The following OPCML variants were observed in gnomAD, a reference collection of about 807,000 sequenced individuals.
OPCML encodes the protein opioid binding protein/cell adhesion molecule like.
In OPCML, 13 loss-of-function variants were observed where a neutral mutation model predicts 37.8. The ratio of observed to expected loss-of-function variants is 0.34; its 90% CI spans 0.22 to 0.55. The LOEUF (loss-of-function observed/expected upper bound fraction) is 0.55, where lower values mean the gene tolerates loss of function less well. Among genes scored for constraint, OPCML ranks in the 20% least tolerant of loss-of-function variants. The probability of loss-of-function intolerance (pLI) is 0.91; values close to 1 mark genes in which losing one functional copy is unlikely to be tolerated. For missense variants in OPCML, 341 were observed against 435.6 expected, an observed-to-expected ratio of 0.78 and a Z score of 1.93; for synonymous variants, 176 against 168.8, an observed-to-expected ratio of 1.04 and a Z score of -0.33.
At position 132,755,345 on chromosome 11, in the gene OPCML, T is replaced by A. The variant is rs192311526; in HGVS notation, c.147-98026A>T. 1.7e-3 allele frequency among the ~76,000 whole-genome samples: 262 copies of A among 152,340 alleles called. 2 individuals are homozygous for A. Among genetic ancestry groups the A allele is most frequent in the Middle Eastern group, 0.017 (5 of 294 alleles). On this transcript the variant is annotated intron_variant, in intron 2 of 7. Transcript: ENST00000524381. ...CTACAGAAACACAATATGGTCCTCA[T>A]GCTTAATATAATCAACAAACATTCC...
chr11:132,844,689 C>T (rs1941444241), intron 2 of OPCML, among the ~76,000 whole-genome samples: 1 of 152,090 alleles, frequency 6.6e-6, no homozygotes, highest in Non-Finnish European at 1.5e-5. Context: ...TCTCTGTCAT[C>T]ACTATTGAAC....
chr11:132,679,280 A>G (rs138751132), intron 2 of OPCML, among the ~76,000 whole-genome samples: 2 of 152,308 alleles, frequency 1.3e-5, no homozygotes, highest in African/African-American at 2.4e-5. Flanking sequence ...ACGTCCACAC[A>G]AAAACGTATA....
chr11:133,159,360 G>A (rs1033992595), intron 1 of OPCML, among the ~76,000 whole-genome samples: 13 of 152,092 alleles, frequency 8.5e-5, no homozygotes, highest in African/African-American at 3.1e-4. Flanking sequence ...GACAACAAGT[G>A]GCCCTAAATG....
Position 133,245,600 on chromosome 11 carries a change from C to A in OPCML, c.61+286664G>T, listed in dbSNP as rs749508312. 8.2e-4 allele frequency among the ~76,000 whole-genome samples: 125 copies of A among 152,170 alleles called. 3 individuals carry two copies. The highest frequency in any genetic ancestry group is 2.2e-4 in the Non-Finnish European group (15 of 68,032). On this transcript the variant is annotated intron_variant, in intron 1 of 7. Transcript: ENST00000524381. ...TCGTGTGTCAAAATCTCCAGCACAACCTTCCCATAGCTCAAGGTGGTAGAG... is the reference window on the plus strand; with the variant it reads ...TCGTGTGTCAAAATCTCCAGCACAAACTTCCCATAGCTCAAGGTGGTAGAG...
chr11:133,204,892 A>ATATATT (rs1555114246), intron 1 of OPCML, among the ~76,000 whole-genome samples: 1 of 137,350 alleles, frequency 7.3e-6, no homozygotes, highest in East Asian at 2.5e-4. Flanking sequence ...ATATATATAT[A>ATATATT]TATATATATA....
intron 2 of OPCML, among the ~76,000 whole-genome samples, chr11:132,709,021 G>T (rs1476427062): frequency 6.6e-6 from 1 of 152,124 alleles, no homozygotes; most frequent in African/African-American, 2.4e-5. Context: ...AAGAAAGGCA[G>T]GTATTTAATA....
intron 1 of OPCML, among the ~76,000 whole-genome samples, chr11:133,068,685 A>C (rs954389907): frequency 3.9e-5 from 6 of 152,306 alleles, no homozygotes. Flanking sequence ...TTGACACATA[A>C]ATGCTGGAGA....
At chr11:132,509,407 G>A (rs974139801) in intron 4 of OPCML, among the ~76,000 whole-genome samples, 1 of 152,188 alleles carries the variant, frequency 6.6e-6, no homozygotes, top group South Asian at 2.1e-4. Flanking sequence ...AAGTAGCAAG[G>A]AGCCTAATGT....
intron 2 of OPCML, among the ~76,000 whole-genome samples, chr11:132,723,888 G>C (rs1188388185): frequency 1.3e-5 from 2 of 152,196 alleles, no homozygotes; most frequent in Non-Finnish European, 2.9e-5. Context: ...AGAGAGAAGG[G>C]GGTGGAAAAT....
chr11:133,015,391 GGAAT>G (rs1253160394), intron 1 of OPCML, among the ~76,000 whole-genome samples: 5,145 of 61,670 alleles, frequency 0.083, 271 homozygotes, highest in African/African-American at 0.15. Context: ...AAGGAAGGAA[GGAAT>G]GAAGGAAGGA....
intron 3 of OPCML, among the ~76,000 whole-genome samples, chr11:132,627,443 T>C (rs1036528376): frequency 1.3e-5 from 2 of 152,240 alleles, no homozygotes; most frequent in South Asian, 2.1e-4. Context: ...TATCAGGATA[T>C]AGAGATGCAA....
chr11:133,453,045 A>G (rs1326101754), intron 1 of OPCML, among the ~76,000 whole-genome samples: 2 of 152,204 alleles, frequency 1.3e-5, no homozygotes, highest in Non-Finnish European at 2.9e-5. Flanking sequence ...TGCCACATAC[A>G]AAGGCTCAGA....
chr11:133,463,238 G>T (rs1483165148), intron 1 of OPCML, among the ~76,000 whole-genome samples: 1 of 151,932 alleles, frequency 6.6e-6, no homozygotes, highest in Non-Finnish European at 1.5e-5. Context: ...AGTCACCAGG[G>T]AAAGGTCAGA....
intron 7 of OPCML, among the ~76,000 whole-genome samples, chr11:132,433,685 G>A (rs1460771509): frequency 6.6e-6 from 1 of 152,146 alleles, no homozygotes; most frequent in Non-Finnish European, 1.5e-5. Context: ...GGTTAAGTGA[G>A]GTCATAAGGG....
chr11:133,438,634 T>G (rs1347392786), intron 1 of OPCML, among the ~76,000 whole-genome samples: 1 of 151,770 alleles, frequency 6.6e-6, no homozygotes, highest in African/African-American at 2.4e-5. Context: ...CTGATAGGAG[T>G]GATGAGTATG....
chr11:132,851,932 T>C (rs954454754), intron 2 of OPCML, among the ~76,000 whole-genome samples: 11 of 152,190 alleles, frequency 7.2e-5, no homozygotes, highest in African/African-American at 2.7e-4. Flanking sequence ...CGCCACCTCT[T>C]TGGCACATTG....
chr11:133,154,456 A>G (rs957370727), intron 1 of OPCML, among the ~76,000 whole-genome samples: 12 of 152,138 alleles, frequency 7.9e-5, no homozygotes, highest in Admixed American at 6.5e-4. Context: ...ATTCTTTTAC[A>G]TAAGGTTTTG....
chr11:132,767,064 G>A (rs1015341252), intron 2 of OPCML, among the ~76,000 whole-genome samples: 1 of 152,046 alleles, frequency 6.6e-6, no homozygotes, highest in African/African-American at 2.4e-5. Context: ...TCCATTCCTA[G>A]AAATGATGAT....
At chr11:133,094,802 A>G (rs1948971839) in intron 1 of OPCML, among the ~76,000 whole-genome samples, 1 of 152,168 alleles carries the variant, frequency 6.6e-6, no homozygotes, top group Admixed American at 6.5e-5. Context: ...AGTTTGCAAT[A>G]ACTGAGTCTT....
Sources: allele counts gnomAD v4.1 joint callset (sites outside exome capture counted in the v4.1 genomes callset), GRCh38; gene constraint gnomAD v4.1.1; transcripts MANE v1.5; gene names NCBI Gene and HGNC (gene_info 2026-07-23, HGNC 2026-07-21).